Variants in TRPS1 observed in about 807,000 individuals in gnomAD.
TRPS1 encodes zinc finger transcription factor Trps1.
TRPS1 carries 6 observed loss-of-function variants against 101.2 expected under a neutral mutation model. That is an observed-to-expected ratio of 0.06 (90% CI 0.03 to 0.12). The LOEUF (loss-of-function observed/expected upper bound fraction) is 0.12. Among genes scored for constraint, TRPS1 ranks in the 10% least tolerant of loss-of-function variants. The probability of loss-of-function intolerance (pLI) is 1.00; values close to 1 mark genes in which losing one functional copy is unlikely to be tolerated. For synonymous variants in TRPS1, 578 were observed against 589.8 expected (o/e 0.98, Z 0.29); for missense variants, 1,363 against 1,567.0 (o/e 0.87, Z 2.20).
chr8:115,626,038 C>T (rs1173989901), intron 1 of TRPS1, among the ~76,000 whole-genome samples: 1 of 151,742 alleles, frequency 6.6e-6, no homozygotes, highest in Non-Finnish European at 1.5e-5. Context: ...GTATACACAT[C>T]AGCATAAGAG....
rs1349913595 is a variant in TRPS1, at chr8:115,409,321, TAGA to T, written c.*4699_*4701del. On this transcript the variant is annotated 3_prime_UTR_variant, in exon 7 of 7. Coordinates refer to ENST00000395715, the MANE Select transcript of TRPS1 (RefSeq NM_014112.5). The stretch of plus-strand genomic sequence containing the variant: ...AATTGAGTTTTGGGACTCTATGCTC[TAGA>T]AGGACAATTTTCTCTGATAAAAGCT... 2 of 147,492 alleles carry T rather than the reference TAGA, an allele frequency of 1.4e-5. No homozygotes were observed. The highest frequency in any genetic ancestry group is 3.0e-5 in the Non-Finnish European group (2 of 67,182). The allele number at this position is 147,492 out of a possible 1,614,324, so 9.1% of individuals were successfully genotyped here.
Position 115,418,543 on chromosome 8 carries a change from A to G in TRPS1, c.2701-91T>C. On this transcript the variant is annotated intron_variant, in intron 5 of 6. Coordinates refer to ENST00000395715, the MANE Select transcript of TRPS1 (RefSeq NM_014112.5). This position sits in a 1 kb window ranked among gnomAD's most constrained non-coding sequence, Gnocchi z 4.3. ...AACCCAGGAGTTTTGTCTTTAAACT[A>G]GCAACAATGACAGTATAAAACCACA... is the stretch of plus-strand genomic sequence containing the variant. 1.3e-6 allele frequency: 2 copies of G among 1,567,388 alleles called. No homozygotes were observed. Among genetic ancestry groups the G allele is most frequent in the Non-Finnish European group, 1.8e-6 (2 of 1,139,408 alleles).
intron 5 of TRPS1, among the ~76,000 whole-genome samples, chr8:115,458,230 G>C (rs1814078063): frequency 6.6e-6 from 1 of 152,104 alleles, no homozygotes; most frequent in African/African-American, 2.4e-5. Context: ...ATTGTTTATG[G>C]TGTTCCCAAA....
chr8:115,533,434 C>CTGGTTTTTTTTTT (rs1816186055), intron 5 of TRPS1, among the ~76,000 whole-genome samples: 2 of 32,326 alleles, frequency 6.2e-5, no homozygotes, highest in African/African-American at 2.1e-4. Flanking sequence ...CACATGTAAT[C>CTGGTTTTTTTTTT]TGTTTTTTTT....
At chr8:115,638,408 A>T (rs1283383450) in intron 1 of TRPS1, among the ~76,000 whole-genome samples, 1 of 152,144 alleles carries the variant, frequency 6.6e-6, no homozygotes, top group Non-Finnish European at 1.5e-5. Context: ...GAGTGCAATG[A>T]ATAAAATAGG....
chr8:115,622,788 C>T (rs561316984), intron 2 of TRPS1, among the ~76,000 whole-genome samples: 1 of 152,152 alleles, frequency 6.6e-6, no homozygotes, highest in South Asian at 2.1e-4. Context: ...AAGAAATAAT[C>T]TAATTCATTA....
At chr8:115,562,083 T>C (rs944340072) in intron 5 of TRPS1, among the ~76,000 whole-genome samples, 9 of 151,976 alleles carry the variant, frequency 5.9e-5, no homozygotes, top group African/African-American at 1.9e-4. Flanking sequence ...AAAACAAATA[T>C]AACAATAAAA....
chr8:115,534,920 A>T (rs1816243724), intron 5 of TRPS1, among the ~76,000 whole-genome samples: 1 of 151,718 alleles, frequency 6.6e-6, no homozygotes, highest in Admixed American at 6.6e-5. Context: ...TATAAAATGA[A>T]TGCTTTAGGT....
intron 5 of TRPS1, among the ~76,000 whole-genome samples, chr8:115,523,879 G>A (rs1391403682): frequency 6.6e-6 from 1 of 152,084 alleles, no homozygotes; most frequent in Non-Finnish European, 1.5e-5. Context: ...AGGCTGACAA[G>A]GTTACTGCCA....
chr8:115,667,920 C>T, intron 1 of TRPS1: 1 of 1,535,490 alleles, frequency 6.5e-7, no homozygotes, highest in Non-Finnish European at 8.7e-7. Context: ...GTCACGAGCC[C>T]CCAGAAAACT....
At chr8:115,487,248 A>G (rs1165592405) in intron 5 of TRPS1, among the ~76,000 whole-genome samples, 1 of 143,100 alleles carries the variant, frequency 7.0e-6, no homozygotes, top group Non-Finnish European at 1.6e-5. Flanking sequence ...GTTGAGACCT[A>G]CTTCTCAGAA....
chr8:115,524,917 G>C (rs1257390130), intron 5 of TRPS1, among the ~76,000 whole-genome samples: 1 of 152,112 alleles, frequency 6.6e-6, no homozygotes, highest in South Asian at 2.1e-4. Flanking sequence ...ATTCCAAAAT[G>C]TATAATTTCT....
At chr8:115,435,833 C>T (rs1013747436) in intron 5 of TRPS1, among the ~76,000 whole-genome samples, 4 of 152,010 alleles carry the variant, frequency 2.6e-5, no homozygotes, top group Non-Finnish European at 5.9e-5. Flanking sequence ...AAATTATCGC[C>T]TCATGGAAGA....
chr8:115,520,709 TTTACTA>T (rs1386354821), intron 5 of TRPS1, among the ~76,000 whole-genome samples: 1 of 75,666 alleles, frequency 1.3e-5, no homozygotes, highest in African/African-American at 5.3e-5. Context: ...GACTTTGCTA[TTTACTA>T]TTAATTAAAG....
chr8:115,663,915 G>T (rs1020378681), intron 1 of TRPS1, among the ~76,000 whole-genome samples: 2 of 151,966 alleles, frequency 1.3e-5, no homozygotes, highest in Admixed American at 1.3e-4. Context: ...CCAAAGTCAA[G>T]TTCTACATTA....
chr8:115,545,566 C>A (rs1480751409), intron 5 of TRPS1, among the ~76,000 whole-genome samples: 1 of 152,092 alleles, frequency 6.6e-6, no homozygotes, highest in Non-Finnish European at 1.5e-5. Flanking sequence ...AATTATTCTA[C>A]CCTTGAAACC....
intron 4 of TRPS1, among the ~76,000 whole-genome samples, chr8:115,593,709 T>G (rs892453522): frequency 6.6e-6 from 1 of 152,200 alleles, no homozygotes; most frequent in African/African-American, 2.4e-5. Flanking sequence ...TTTCTTTTCA[T>G]CAGCATTAAC....
At chr8:115,642,257 T>C (rs1199556851) in intron 1 of TRPS1, among the ~76,000 whole-genome samples, 1 of 141,312 alleles carries the variant, frequency 7.1e-6, no homozygotes, top group East Asian at 2.1e-4. Context: ...TGTATATATA[T>C]ATATACACAC....
chr8:115,436,850 C>T (rs1207097660), intron 5 of TRPS1, among the ~76,000 whole-genome samples: 1 of 151,912 alleles, frequency 6.6e-6, no homozygotes, highest in Non-Finnish European at 1.5e-5. Context: ...TTCACCTGAA[C>T]TAGATGAACT....
Sources: allele counts gnomAD v4.1 joint callset (sites outside exome capture counted in the v4.1 genomes callset), GRCh38; gene constraint gnomAD v4.1.1; non-coding constraint Gnocchi (gnomAD v3.1); transcripts MANE v1.5; gene names NCBI Gene and HGNC (gene_info 2026-07-23, HGNC 2026-07-21).